Variants in CCDC148 observed in about 807,000 individuals in gnomAD.
CCDC148 encodes the protein coiled-coil domain-containing protein 148.
A neutral mutation model predicts 85.7 loss-of-function variants in CCDC148; 89 were observed. The ratio of observed to expected loss-of-function variants is 1.04; its 90% CI spans 0.87 to 1.24. The LOEUF is 1.24. Ranked by LOEUF, CCDC148 falls within the 50% of genes most tolerant of loss-of-function variation. The pLI, the probability that CCDC148 is intolerant of heterozygous loss-of-function variation, is 0.00. For synonymous variants in CCDC148, 230 were observed against 213.9 expected, an observed-to-expected ratio of 1.08 and a Z score of -0.66; for missense variants, 692 against 671.7, an observed-to-expected ratio of 1.03 and a Z score of -0.33.
chr2:158,421,808 G>A (rs1401309513), intron 1 of CCDC148, among the ~76,000 whole-genome samples: 1 of 151,920 alleles, frequency 6.6e-6, no homozygotes, highest in Non-Finnish European at 1.5e-5. Flanking sequence ...GAGCTGGTTT[G>A]TTGAAAAGAT....
At chr2:158,175,889 T>C (rs1242112510) in intron 13 of CCDC148, among the ~76,000 whole-genome samples, 1 of 152,014 alleles carries the variant, frequency 6.6e-6, no homozygotes, top group Non-Finnish European at 1.5e-5. Context: ...CATCCATCCA[T>C]TCATCTGTTT....
At chr2:158,354,263 C>T (rs1201107915) in intron 2 of CCDC148, among the ~76,000 whole-genome samples, 1 of 151,948 alleles carries the variant, frequency 6.6e-6, no homozygotes, top group Non-Finnish European at 1.5e-5. Flanking sequence ...CACAAAAAAC[C>T]CTTCAAAAAA....
At chr2:158,216,555 C>A (rs1213395914) in intron 11 of CCDC148, among the ~76,000 whole-genome samples, 1 of 151,546 alleles carries the variant, frequency 6.6e-6, no homozygotes, top group Non-Finnish European at 1.5e-5. Context: ...TGCCACCATG[C>A]CTGGCTAAAA....
In CCDC148 at chr2:158,330,076, A is replaced by G. The variant is rs371899241; in HGVS notation, c.764+8650T>C. On this transcript the variant is annotated intron_variant, in intron 7 of 13. Coordinates refer to ENST00000283233, the MANE Select transcript of CCDC148 (RefSeq NM_138803.4). The stretch of plus-strand genomic sequence containing the variant: ...AGGAGTGGTGAGAGAGGGCATCCCT[A>G]TCTTGTGCCAGTTTTCAAAGGGAAT... Among the ~76,000 whole-genome samples the G allele has an allele frequency of 1.1e-4, 17 of 152,166 alleles. No homozygotes were observed. The South Asian group carries it at 1.5e-3, about 13-fold the overall frequency.
intron 11 of CCDC148, among the ~76,000 whole-genome samples, chr2:158,196,356 G>A (rs921033674): frequency 3.9e-5 from 6 of 152,076 alleles, no homozygotes; most frequent in African/African-American, 1.4e-4. Flanking sequence ...TATCAAGTTG[G>A]TAATTTGAAA....
intron 1 of CCDC148, among the ~76,000 whole-genome samples, chr2:158,391,905 C>G (rs1381026954): frequency 6.6e-6 from 1 of 151,990 alleles, no homozygotes; most frequent in African/African-American, 2.4e-5. Context: ...GGGATGAGAC[C>G]TGGAGGAGGA....
intron 1 of CCDC148, among the ~76,000 whole-genome samples, chr2:158,417,833 C>T (rs1482253890): frequency 1.3e-5 from 2 of 152,004 alleles, no homozygotes; most frequent in Admixed American, 6.6e-5. Flanking sequence ...TTTGTAGATC[C>T]CCCTGAGGCA....
chr2:158,327,207 C>A (rs956659584), intron 7 of CCDC148, among the ~76,000 whole-genome samples: 2 of 152,114 alleles, frequency 1.3e-5, no homozygotes, highest in African/African-American at 4.8e-5. Context: ...GCTTTGTGAT[C>A]TGGGAAGTCC....
intron 9 of CCDC148, among the ~76,000 whole-genome samples, chr2:158,275,267 T>C (rs1689878079): frequency 6.6e-6 from 1 of 152,232 alleles, no homozygotes; most frequent in African/African-American, 2.4e-5. Context: ...TGTCCTTACC[T>C]GTGGCTTCAG....
intron 11 of CCDC148, among the ~76,000 whole-genome samples, chr2:158,194,381 C>T (rs1403370725): frequency 6.6e-6 from 1 of 152,152 alleles, no homozygotes; most frequent in African/African-American, 2.4e-5. Context: ...TCAGCATTTG[C>T]TCACCAGATG....
chr2:158,341,244 G>A (rs542284118), intron 3 of CCDC148, among the ~76,000 whole-genome samples: 128 of 151,056 alleles, frequency 8.5e-4, no homozygotes, highest in Non-Finnish European at 1.1e-3. Flanking sequence ...ATATGTGTAT[G>A]TATATACTAA....
At chr2:158,272,275 T>C (rs888623613) in intron 9 of CCDC148, among the ~76,000 whole-genome samples, 2 of 152,150 alleles carry the variant, frequency 1.3e-5, no homozygotes, top group Non-Finnish European at 2.9e-5. Flanking sequence ...AAGCAGAGCA[T>C]GTGCTAGAGG....
intron 11 of CCDC148, among the ~76,000 whole-genome samples, chr2:158,217,563 C>T (rs940726207): frequency 4.6e-5 from 7 of 151,720 alleles, no homozygotes; most frequent in African/African-American, 7.3e-5. Context: ...CCACCATGCC[C>T]GGCTAATTTT....
chr2:158,337,864 T>C (rs772365489), intron 7 of CCDC148, among the ~76,000 whole-genome samples: 48 of 152,224 alleles, frequency 3.2e-4, no homozygotes, highest in Non-Finnish European at 6.2e-4. Context: ...ACAGAGGAGC[T>C]GCAGTTCACA....
intron 1 of CCDC148, among the ~76,000 whole-genome samples, chr2:158,383,576 TTTTAAAA>T (rs1459332493): frequency 6.6e-6 from 1 of 152,166 alleles, no homozygotes; most frequent in Non-Finnish European, 1.5e-5. Context: ...ATTTTTTTCT[TTTTAAAA>T]TTTAAGTTAT....
intron 9 of CCDC148, among the ~76,000 whole-genome samples, chr2:158,270,895 A>G (rs2105162268): frequency 6.6e-6 from 1 of 152,314 alleles, no homozygotes; most frequent in South Asian, 2.1e-4. Flanking sequence ...TGTGCACCCT[A>G]TCAGAGGATA....
intron 10 of CCDC148, among the ~76,000 whole-genome samples, chr2:158,227,559 C>T (rs1687614321): frequency 6.6e-6 from 1 of 152,154 alleles, no homozygotes; most frequent in Admixed American, 6.5e-5. Context: ...TCAAACTATA[C>T]TACAAGGCTA....
rs1012554796 is a variant in CCDC148 at position 158,376,254 on chromosome 2, G to A, written c.26-17684C>T. 2.8e-4 allele frequency among the ~76,000 whole-genome samples: 42 copies of A among 151,912 alleles called. 2 individuals carry two copies. The highest frequency in any genetic ancestry group is 1.5e-5 in the Non-Finnish European group (1 of 67,964). On this transcript the variant is annotated intron_variant, in intron 1 of 13. Transcript: ENST00000283233. ...ACATGCAGTTTTAACATAGCTAAAA[G>A]AGAGCAGGTTAAAAGATATGTCAGT...
chr2:158,358,899 T>C (rs1192084201), intron 1 of CCDC148, among the ~76,000 whole-genome samples: 2 of 152,104 alleles, frequency 1.3e-5, no homozygotes, highest in East Asian at 1.9e-4. Context: ...CCATTCTTTT[T>C]ATTTAAAATG....
Sources: allele counts gnomAD v4.1 joint callset (sites outside exome capture counted in the v4.1 genomes callset), GRCh38; gene constraint gnomAD v4.1.1; transcripts MANE v1.5; gene names NCBI Gene and HGNC (gene_info 2026-07-23, HGNC 2026-07-21).